SAV1: variants seen among roughly 807,000 people sequenced by gnomAD.
SAV1 encodes protein salvador homolog 1.
In SAV1, 23 loss-of-function variants were observed where a neutral mutation model predicts 47.3. The observed-to-expected ratio is 0.49, with a 90% CI of 0.35 to 0.69. SAV1 has a LOEUF of 0.69. SAV1 is among the 30% of genes least tolerant of loss of function. SAV1 has a pLI of 0.01. For synonymous variants in SAV1, 155 were observed against 159.2 expected (o/e 0.97, Z 0.20); for missense variants, 448 against 457.4 (o/e 0.98, Z 0.19).
intron 2 of SAV1, 123 bp downstream of exon 2, chr14:50,665,056 A>ATTC: frequency 7.4e-7 from 1 of 1,359,292 alleles, no homozygotes; most frequent in South Asian, 1.6e-5. Context: ...CAGGATGAGC[A>ATTC]AAGTGGAAAA....
intron 2 of SAV1, among the ~76,000 whole-genome samples, chr14:50,656,080 G>T (rs574571161): frequency 6.6e-6 from 1 of 152,116 alleles, no homozygotes; most frequent in Non-Finnish European, 1.5e-5. Flanking sequence ...GGTTTAGAGC[G>T]TATTAAAAGT....
chr14:50,644,405 GTTA>G (rs1227040726), intron 3 of SAV1, among the ~76,000 whole-genome samples: 4 of 152,274 alleles, frequency 2.6e-5, no homozygotes, highest in African/African-American at 7.2e-5. Context: ...GGGTAGGTCT[GTTA>G]TTATTTGTAA....
intron 2 of SAV1, among the ~76,000 whole-genome samples, chr14:50,649,620 G>A (rs965808987): frequency 6.6e-6 from 1 of 152,192 alleles, no homozygotes; most frequent in Non-Finnish European, 1.5e-5. Context: ...AGCAAATACA[G>A]ATGTATTATC....
chr14:50,655,222 C>T (rs1240619819), intron 2 of SAV1, among the ~76,000 whole-genome samples: 1 of 152,072 alleles, frequency 6.6e-6, no homozygotes, highest in Non-Finnish European at 1.5e-5. Context: ...AATTACTTTA[C>T]ATTCTAATAT....
At chr14:50,645,706 G>A (rs909467074) in intron 2 of SAV1, among the ~76,000 whole-genome samples, 16 of 46,868 alleles carry the variant, frequency 3.4e-4, no homozygotes, top group Admixed American at 1.1e-3. Flanking sequence ...AATTTCCCCT[G>A]ATTAAAGATT....
At chr14:50,658,512 T>C (rs2039831777) in intron 2 of SAV1, among the ~76,000 whole-genome samples, 1 of 152,192 alleles carries the variant, frequency 6.6e-6, no homozygotes, top group Admixed American at 6.5e-5. Context: ...TCTAAAACTT[T>C]CTGAGATTAT....
intron 2 of SAV1, among the ~76,000 whole-genome samples, chr14:50,653,911 T>G (rs139792597): frequency 1.3e-5 from 2 of 152,080 alleles, no homozygotes; most frequent in African/African-American, 4.8e-5. Context: ...TGCAGTCTAT[T>G]AAGTGTGCAA....
At position 50,665,021 on chromosome 14, in the gene SAV1, A is replaced by G. The variant is rs2039888991; in HGVS notation, c.535+158T>C. ...GGACTCTTCCATTCAGTGTAGATTA[A>G]CAACTATTTGCACACAGGCTTAAGC... On this transcript the variant is annotated intron_variant, in intron 2 of 4. Coordinates refer to ENST00000324679, the MANE Select transcript of SAV1 (RefSeq NM_021818.4). The G allele has an allele frequency of 5.4e-6, 5 of 925,662 alleles. No homozygotes were observed. In the East Asian group the frequency reaches 1.4e-4, roughly 26 times the overall value. The allele number at this position is 925,662 out of a possible 1,614,324, so 57.3% of individuals were successfully genotyped here. A position where few individuals can be genotyped will look rare whatever the true frequency, so the allele number is the denominator to read the frequency against.
At chr14:50,654,536 G>A (rs750057906) in intron 2 of SAV1, among the ~76,000 whole-genome samples, 12 of 152,158 alleles carry the variant, frequency 7.9e-5, no homozygotes, top group Admixed American at 2.6e-4. Context: ...ACTGATCACA[G>A]ATCACCATAA....
At chr14:50,640,511 T>C (rs974035075) in intron 4 of SAV1, among the ~76,000 whole-genome samples, 3 of 152,186 alleles carry the variant, frequency 2.0e-5, no homozygotes, top group Admixed American at 6.5e-5. Context: ...GTATCCCTAA[T>C]AGCAGAGGCC....
At chr14:50,635,889 A>G (rs1418532230) in intron 4 of SAV1, among the ~76,000 whole-genome samples, 2 of 152,046 alleles carry the variant, frequency 1.3e-5, no homozygotes, top group African/African-American at 4.8e-5. Context: ...CTGTATTTTT[A>G]GTAGAGACAG....
At chr14:50,650,739 T>G (rs1426064111) in intron 2 of SAV1, among the ~76,000 whole-genome samples, 2 of 152,140 alleles carry the variant, frequency 1.3e-5, no homozygotes, top group Non-Finnish European at 2.9e-5. Flanking sequence ...GCGGATCTTT[T>G]GGCCGGGCGC....
rs966563260 is a variant in SAV1 at position 50,654,669 on chromosome 14, G to A, written c.536-9655C>T. On this transcript the variant is annotated intron_variant, in intron 2 of 4. Coordinates refer to ENST00000324679, the MANE Select transcript of SAV1 (RefSeq NM_021818.4). ...TCAATTTGTAAAAAACACAGTATCT[G>A]CGAAACACAATAGAGCAAAGCACAA... Among the ~76,000 whole-genome samples, 12 of 152,282 alleles carry A rather than the reference G, an allele frequency of 7.9e-5. No individual in the cohort carries two copies. In the East Asian group the frequency reaches 2.1e-3, roughly 27 times the overall value.
In SAV1 at chr14:50,644,717, A is replaced by G. The variant is rs2039706207; in HGVS notation, c.806+27T>C. The G allele has an allele frequency of 1.9e-6, 3 of 1,586,052 alleles. No homozygotes were observed. In the East Asian group the frequency reaches 6.8e-5, roughly 36 times the overall value. On this transcript the variant is annotated intron_variant, in intron 3 of 4. Coordinates refer to ENST00000324679, the MANE Select transcript of SAV1 (RefSeq NM_021818.4). ...TAACATTAGACAATCCCGAAACAAA[A>G]AGTTGAAAATAAAGTTGATACTGTA...
chr14:50,649,473 C>T (rs1419539461), intron 2 of SAV1, among the ~76,000 whole-genome samples: 4 of 152,158 alleles, frequency 2.6e-5, no homozygotes, highest in Admixed American at 2.0e-4. Flanking sequence ...GAGATACACA[C>T]ATCAATGAGA....
intron 2 of SAV1, among the ~76,000 whole-genome samples, chr14:50,654,101 G>A (rs1349413765): frequency 3.3e-5 from 5 of 152,142 alleles, no homozygotes; most frequent in Admixed American, 3.3e-4. Flanking sequence ...GGCTGGGATA[G>A]CTGTGGCAAT....
chr14:50,667,032 C>T (rs2039907350), intron 1 of SAV1, among the ~76,000 whole-genome samples: 1 of 152,050 alleles, frequency 6.6e-6, no homozygotes, highest in African/African-American at 2.4e-5. Flanking sequence ...GAAACTTAAG[C>T]AAAGGGCCCA....
At position 50,634,322 on chromosome 14, in the gene SAV1, A is replaced by G. The variant is rs555368421; in HGVS notation, c.*861T>C. On this transcript the variant is annotated 3_prime_UTR_variant, in exon 5 of 5. Transcript: ENST00000324679. ...AAAATACTTTCTCAACATGCTTTAA[A>G]AGGATTCCTTATTTTGTTTTTATTT... is the stretch of plus-strand genomic sequence containing the variant. 7.0e-6 allele frequency: 2 copies of G among 285,632 alleles called. No individual in the cohort carries two copies. The highest frequency in any genetic ancestry group is 4.4e-5 in the African/African-American group (2 of 45,012). The allele number at this position is 285,632 out of a possible 1,614,324, so 17.7% of individuals were successfully genotyped here.
intron 4 of SAV1, among the ~76,000 whole-genome samples, chr14:50,639,174 A>T (rs952269489): frequency 4.6e-5 from 7 of 152,238 alleles, no homozygotes; most frequent in African/African-American, 1.4e-4. Flanking sequence ...ATTAAATACA[A>T]ATTTAAAACA....
Sources: gnomAD v4.1 joint callset for allele counts (sites outside exome capture counted in the v4.1 genomes callset) on GRCh38, gnomAD v4.1.1 for gene constraint, MANE v1.5 for transcripts, NCBI Gene and HGNC (gene_info 2026-07-23, HGNC 2026-07-21) for gene names.